The following TANGO2 variants were observed in gnomAD, a reference collection of about 807,000 sequenced individuals.
TANGO2 encodes transport and Golgi organization protein 2 homolog.
TANGO2 carries 26 observed loss-of-function variants against 39.1 expected under a neutral mutation model. The observed-to-expected ratio is 0.67, with a 90% CI of 0.49 to 0.92. The LOEUF (loss-of-function observed/expected upper bound fraction) is 0.92. TANGO2 is among the 40% of genes least tolerant of loss of function. The pLI is 0.00. For synonymous variants in TANGO2, 131 were observed against 144.5 expected (o/e 0.91, Z 0.67); for missense variants, 326 against 360.1 (o/e 0.91, Z 0.77).
Position 20,063,369 on chromosome 22 carries a change from G to GGTGGGGA in TANGO2, c.640_646dup (p.Tyr216TrpfsTer41). 6.2e-7 allele frequency: 1 copy of GGTGGGGA among 1,613,550 alleles called. No individual in the cohort carries two copies. The highest frequency in any genetic ancestry group is 8.5e-7 in the Non-Finnish European group (1 of 1,179,914). Reference sequence around the variant, plus strand: ...GCCAGACCCGGCCATCGAGGACCAGGGTGGGGAGTACGTGCAGCCCATGCT... The same window carrying GGTGGGGA: ...GCCAGACCCGGCCATCGAGGACCAGGGTGGGGAGTGGGGAGTACGTGCAGCCCATGCT... On this transcript the variant is annotated frameshift_variant, in exon 8 of 9. Coordinates refer to ENST00000327374, the MANE Select transcript of TANGO2 (RefSeq NM_152906.7). LOFTEE classifies it high-confidence loss of function.
chr22:20,027,321 A>G (rs930633940), intron 1 of TANGO2, among the ~76,000 whole-genome samples: 2 of 152,214 alleles, frequency 1.3e-5, no homozygotes, highest in Non-Finnish European at 2.9e-5. Flanking sequence ...TGGTGGGGAC[A>G]CAGATCCAAG....
chr22:20,043,582 G>C, intron 3 of TANGO2, 139 bp downstream of exon 3: 1 of 615,004 alleles, frequency 1.6e-6, no homozygotes, highest in South Asian at 2.2e-5. Context: ...GGGGCTCGTG[G>C]TCGGGGCCAG....
At chr22:20,017,041 G>C (rs943056326), upstream of TANGO2, 7 of 152,294 alleles carry the variant, frequency 4.6e-5, no homozygotes, top group African/African-American at 1.2e-4. Flanking sequence ...GAACCTCTGC[G>C]GCGGCGGTGG....
At position 20,065,945 on chromosome 22, in the gene TANGO2, G is replaced by A. The variant is rs2049146747; in HGVS notation, c.*1283G>A. The A allele has an allele frequency of 6.6e-6, 1 of 152,320 alleles. No homozygotes were observed. The highest frequency in any genetic ancestry group is 2.4e-5 in the African/African-American group (1 of 41,440). The allele number at this position is 152,320 out of a possible 1,614,324, so 9.4% of individuals were successfully genotyped here. A position where few individuals can be genotyped will look rare whatever the true frequency, so the allele number is the denominator to read the frequency against. Reference sequence around the variant, plus strand: ...GAGCGCATTTCGAGGCCTTTCCCTTGTATGCAGGGTGCCAGTGGGAGCTGC... The same window carrying A: ...GAGCGCATTTCGAGGCCTTTCCCTTATATGCAGGGTGCCAGTGGGAGCTGC... On this transcript the variant is annotated 3_prime_UTR_variant, in exon 9 of 9. Coordinates refer to ENST00000327374, the MANE Select transcript of TANGO2 (RefSeq NM_152906.7).
At chr22:20,037,011 G>A (rs1236455532) in intron 2 of TANGO2, 157 bp downstream of exon 2, 3 of 1,581,060 alleles carry the variant, frequency 1.9e-6, no homozygotes, top group South Asian at 2.3e-5. Flanking sequence ...ACTCAGTGTG[G>A]GATGCTGTCA....
chr22:20,061,714 CCA>C (rs2048420730), intron 7 of TANGO2, 31 bp downstream of exon 7: 4 of 1,520,100 alleles, frequency 2.6e-6, no homozygotes, highest in Non-Finnish European at 3.5e-6. Context: ...GGGGTGAGCC[CCA>C]GTGTCCCGCC....
chr22:20,026,198 G>C (rs1392350604), intron 1 of TANGO2, among the ~76,000 whole-genome samples: 1 of 152,202 alleles, frequency 6.6e-6, no homozygotes, highest in Non-Finnish European at 1.5e-5. Flanking sequence ...AGGAGTTCAA[G>C]ACCAGCCTGA....
intron 3 of TANGO2, among the ~76,000 whole-genome samples, chr22:20,050,498 G>A (rs1231504273): frequency 1.3e-5 from 2 of 150,912 alleles, no homozygotes; most frequent in African/African-American, 4.9e-5. Context: ...CGAGTAGCTG[G>A]AACTACAGGT....
intron 1 of TANGO2, among the ~76,000 whole-genome samples, chr22:20,022,236 C>G (rs994824450): frequency 2.0e-5 from 3 of 152,238 alleles, no homozygotes; most frequent in African/African-American, 7.2e-5. Context: ...CATTCAGAGC[C>G]AGGGCCTGCT....
chr22:20,046,407 G>A (rs1355686783), intron 3 of TANGO2, among the ~76,000 whole-genome samples: 4 of 151,348 alleles, frequency 2.6e-5, no homozygotes, highest in East Asian at 1.9e-4. Flanking sequence ...CTTGGCCTCC[G>A]AAAGTGCTGG....
intron 5 of TANGO2, chr22:20,053,932 G>A (rs545785496): frequency 4.5e-5 from 16 of 356,242 alleles, no homozygotes; most frequent in Non-Finnish European, 8.3e-5. Context: ...TCCTGTTGGA[G>A]ATGAGGCCGC....
intron 1 of TANGO2, among the ~76,000 whole-genome samples, chr22:20,033,559 G>A (rs1367381194): frequency 6.6e-6 from 1 of 152,244 alleles, no homozygotes; most frequent in East Asian, 1.9e-4. Flanking sequence ...ACACCCCAGA[G>A]GAGCATGTCC....
chr22:20,017,889 CGCAT>C (rs1945313020), upstream of TANGO2, among the ~76,000 whole-genome samples: 1 of 152,202 alleles, frequency 6.6e-6, no homozygotes, highest in Non-Finnish European at 1.5e-5. Context: ...CCCTGGCTCA[CGCAT>C]GCTGTCATCC....
At chr22:20,036,923 C>T in intron 2 of TANGO2, 69 bp downstream of exon 2, 1 of 1,614,120 alleles carries the variant, frequency 6.2e-7, no homozygotes, top group Non-Finnish European at 8.5e-7. Flanking sequence ...CTCATGCCAC[C>T]CAAGCTGCTG....
chr22:20,042,593 A>T (rs2044174206), intron 2 of TANGO2, among the ~76,000 whole-genome samples: 1 of 151,922 alleles, frequency 6.6e-6, no homozygotes, highest in Non-Finnish European at 1.5e-5. Context: ...GTGAAACCCC[A>T]TCTCTACTAA....
At chr22:20,040,402 C>T (rs1397726221) in intron 2 of TANGO2, among the ~76,000 whole-genome samples, 5 of 152,236 alleles carry the variant, frequency 3.3e-5, no homozygotes, top group Non-Finnish European at 7.3e-5. Flanking sequence ...CCGAAGCCAA[C>T]AGCCCCAGCC....
At chr22:20,038,181 T>C (rs1394787931) in intron 2 of TANGO2, among the ~76,000 whole-genome samples, 1 of 152,148 alleles carries the variant, frequency 6.6e-6, no homozygotes, top group African/African-American at 2.4e-5. Context: ...CTGGTGTGTA[T>C]ACAGAGATAG....
intron 1 of TANGO2, among the ~76,000 whole-genome samples, chr22:20,033,487 G>T (rs1427696096): frequency 6.6e-6 from 1 of 152,234 alleles, no homozygotes; most frequent in African/African-American, 2.4e-5. Context: ...CCAGCAGCTG[G>T]GCGTGCAGCC....
At chr22:20,063,777 C>A (rs1263131250) in intron 8 of TANGO2, among the ~76,000 whole-genome samples, 1 of 152,252 alleles carries the variant, frequency 6.6e-6, no homozygotes, top group Non-Finnish European at 1.5e-5. Flanking sequence ...TGGCTGCTGG[C>A]CAGCCTTTCC....
Sources: gnomAD v4.1 joint callset for allele counts (sites outside exome capture counted in the v4.1 genomes callset) on GRCh38, gnomAD v4.1.1 for gene constraint, MANE v1.5 for transcripts, NCBI Gene and HGNC (gene_info 2026-07-23, HGNC 2026-07-21) for gene names.